MGAT4C: variants seen among roughly 807,000 people sequenced by gnomAD.
MGAT4C encodes MGAT4 family member C, also known as alpha-1,3-mannosyl-glycoprotein 4-beta-N-acetylglucosaminyltransferase C.
Under a neutral mutation model 40.1 loss-of-function variants are expected in MGAT4C, and 19 were observed. The ratio of observed to expected loss-of-function variants is 0.47; its 90% CI spans 0.33 to 0.70. The LOEUF (loss-of-function observed/expected upper bound fraction) is 0.70, where lower values mean the gene tolerates loss of function less well. Among genes scored for constraint, MGAT4C ranks in the 30% least tolerant of loss-of-function variants. MGAT4C has a pLI of 0.02. For synonymous variants in MGAT4C, 181 were observed against 187.1 expected (o/e 0.97, Z 0.27); for missense variants, 491 against 563.2 (o/e 0.87, Z 1.30).
chr12:86,096,799 A>G (rs1018006886), intron 1 of MGAT4C, among the ~76,000 whole-genome samples: 3 of 151,392 alleles, frequency 2.0e-5, no homozygotes, highest in African/African-American at 7.3e-5. Context: ...GTAAAGTTCT[A>G]TTACCCTAGT....
chr12:86,443,990 T>C (rs1957287997), intron 2 of MGAT4C, among the ~76,000 whole-genome samples: 2 of 152,218 alleles, frequency 1.3e-5, no homozygotes, highest in Admixed American at 6.5e-5. Flanking sequence ...TTCATCCTCA[T>C]CGGTGTTTAA....
intron 4 of MGAT4C, among the ~76,000 whole-genome samples, chr12:86,286,702 T>A (rs773440796): frequency 7.9e-5 from 12 of 152,096 alleles, no homozygotes; most frequent in Admixed American, 2.6e-4. Flanking sequence ...ATAAGCATAG[T>A]ACACAATAGG....
intron 4 of MGAT4C, among the ~76,000 whole-genome samples, chr12:86,292,918 G>A (rs151226359): frequency 5.9e-4 from 89 of 151,690 alleles, no homozygotes; most frequent in African/African-American, 1.6e-3. Context: ...AAGGGCTTGT[G>A]CTAATTGCTA....
intron 1 of MGAT4C, among the ~76,000 whole-genome samples, chr12:86,764,065 C>A (rs1951454854): frequency 6.6e-6 from 1 of 152,074 alleles, no homozygotes; most frequent in Non-Finnish European, 1.5e-5. Flanking sequence ...TGAGGCATTG[C>A]CTCACTCCAG....
At chr12:86,364,211 CCT>C (rs1955543695) in intron 3 of MGAT4C, among the ~76,000 whole-genome samples, 1 of 151,974 alleles carries the variant, frequency 6.6e-6, no homozygotes, top group Admixed American at 6.6e-5. Context: ...CAGTTTATTC[CCT>C]GAGGCCATCA....
chr12:86,707,958 A>G (rs1243055518), intron 2 of MGAT4C, among the ~76,000 whole-genome samples: 1 of 152,222 alleles, frequency 6.6e-6, no homozygotes, highest in African/African-American at 2.4e-5. Flanking sequence ...ATGTGATAGA[A>G]AAGAAAATCC....
intron 3 of MGAT4C, among the ~76,000 whole-genome samples, chr12:86,406,489 T>C (rs562355003): frequency 6.6e-6 from 1 of 152,018 alleles, no homozygotes; most frequent in Non-Finnish European, 1.5e-5. Context: ...ACATGAAAAG[T>C]TGTTCAACAT....
chr12:86,720,720 A>C (rs1197148359), intron 2 of MGAT4C, among the ~76,000 whole-genome samples: 1 of 152,172 alleles, frequency 6.6e-6, no homozygotes, highest in African/African-American at 2.4e-5. Context: ...GTTGAAGAAA[A>C]TTCTAAAATA....
In MGAT4C at chr12:86,423,389, TA is replaced by T. The variant is rs527546192; in HGVS notation, c.-120+11767del. Among the ~76,000 whole-genome samples the T allele has an allele frequency of 3.4e-3, 519 of 151,630 alleles. 3 individuals carry two copies. Among genetic ancestry groups the T allele is most frequent in the African/African-American group, 0.012 (477 of 41,414 alleles). ...TTAGCATGTAAGTGCTCCATTTAAA[TA>T]AAAAAAATTAACAAGTCTCAGAAAA... is the stretch of plus-strand genomic sequence containing the variant. On this transcript the variant is annotated intron_variant, in intron 3 of 7. Coordinates refer to the MGAT4C transcript ENST00000548651.
At chr12:86,136,465 G>T (rs574734151) in intron 1 of MGAT4C, among the ~76,000 whole-genome samples, 34 of 152,100 alleles carry the variant, frequency 2.2e-4, no homozygotes, top group Admixed American at 2.1e-3. Context: ...GTTAGGAAGG[G>T]CATCTATAAG....
intron 2 of MGAT4C, among the ~76,000 whole-genome samples, chr12:86,481,917 T>C (rs1957944204): frequency 1.3e-5 from 2 of 152,014 alleles, no homozygotes; most frequent in Admixed American, 6.6e-5. Context: ...CACCTGTATT[T>C]AACAATATGT....
At chr12:86,632,202 T>C (rs1320702858) in intron 2 of MGAT4C, among the ~76,000 whole-genome samples, 3 of 152,006 alleles carry the variant, frequency 2.0e-5, no homozygotes, top group Non-Finnish European at 2.9e-5. Flanking sequence ...AAAATCACAA[T>C]GAGATAGCAT....
In MGAT4C at chr12:86,008,293, A is replaced by G. The variant is rs577528870; in HGVS notation, c.-6-18741T>C. On this transcript the variant is annotated intron_variant, in intron 2 of 4. Transcript: ENST00000611864. ...AAAAATACATTTTTCTCAACATGGT[A>G]TTTATTTACATTTATTCAGGTCATC... 3.9e-5 allele frequency among the ~76,000 whole-genome samples: 6 copies of G among 152,136 alleles called. No individual in the cohort carries two copies. In the East Asian group the frequency reaches 1.2e-3, roughly 29 times the overall value.
intron 1 of MGAT4C, among the ~76,000 whole-genome samples, chr12:86,829,743 A>G (rs1952882540): frequency 1.3e-5 from 2 of 151,192 alleles, no homozygotes; most frequent in Non-Finnish European, 3.0e-5. Flanking sequence ...TACTGGAGAA[A>G]GAAAATTGAT....
At chr12:86,821,631 T>C (rs547076444) in intron 1 of MGAT4C, among the ~76,000 whole-genome samples, 29 of 151,080 alleles carry the variant, frequency 1.9e-4, no homozygotes, top group Admixed American at 1.3e-3. Context: ...TTGTACCCAT[T>C]GATCATCCTT....
At chr12:86,463,417 T>C (rs892557051) in intron 2 of MGAT4C, among the ~76,000 whole-genome samples, 5 of 152,174 alleles carry the variant, frequency 3.3e-5, no homozygotes, top group African/African-American at 1.2e-4. Flanking sequence ...AAATTTTCTA[T>C]AGTTCTTATA....
Position 86,296,854 on chromosome 12 carries a change from G to A in MGAT4C, c.-57+37211C>T, listed in dbSNP as rs537318596. 3.1e-4 allele frequency among the ~76,000 whole-genome samples: 47 copies of A among 152,334 alleles called. 2 individuals are homozygous for A. The highest frequency in any genetic ancestry group is 2.7e-3 in the Admixed American group (42 of 15,312). ...AAAGGGGCTCCCACAGTGCAGTGGC[G>A]GGCCAAAGGGCTCCTCAAGTGCCGC... On this transcript the variant is annotated intron_variant, in intron 4 of 7. Transcript: ENST00000548651.
intron 1 of MGAT4C, among the ~76,000 whole-genome samples, chr12:86,764,704 T>A (rs1451309688): frequency 6.6e-6 from 1 of 151,966 alleles, no homozygotes; most frequent in African/African-American, 2.4e-5. Flanking sequence ...CATTCGCAGT[T>A]CAGGAAAATC....
chr12:86,241,872 T>C (rs1209749195), intron 1 of MGAT4C, among the ~76,000 whole-genome samples: 1 of 152,128 alleles, frequency 6.6e-6, no homozygotes, highest in Non-Finnish European at 1.5e-5. Context: ...CTGTCTGACT[T>C]GGCCCAATAA....
Sources: allele counts gnomAD v4.1 joint callset (sites outside exome capture counted in the v4.1 genomes callset), GRCh38; gene constraint gnomAD v4.1.1; transcripts MANE v1.5; gene names NCBI Gene and HGNC (gene_info 2026-07-23, HGNC 2026-07-21).